PLXNA4: variants seen among roughly 807,000 people sequenced by gnomAD.
PLXNA4 encodes the protein plexin-A4.
PLXNA4 carries 44 observed loss-of-function variants against 191.8 expected under a neutral mutation model. The ratio of observed to expected loss-of-function variants is 0.23; its 90% CI spans 0.18 to 0.29. The LOEUF (loss-of-function observed/expected upper bound fraction) is 0.29, where lower values mean the gene tolerates loss of function less well. Among genes scored for constraint, PLXNA4 ranks in the 10% least tolerant of loss-of-function variants. PLXNA4 has a pLI of 1.00. For synonymous variants in PLXNA4, 1,082 were observed against 1,009.5 expected (o/e 1.07, Z -1.36); for missense variants, 1,800 against 2,488.8 (o/e 0.72, Z 5.89).
chr7:132,211,872 C>A (rs1442031879), intron 9 of PLXNA4, among the ~76,000 whole-genome samples: 1 of 152,120 alleles, frequency 6.6e-6, no homozygotes, highest in Non-Finnish European at 1.5e-5. Flanking sequence ...ATCACTGGGC[C>A]CCTTTTTCCT....
intron 29 of PLXNA4, among the ~76,000 whole-genome samples, chr7:132,143,360 C>T (rs779315541): frequency 1.6e-4 from 24 of 152,166 alleles, no homozygotes; most frequent in Non-Finnish European, 2.2e-4. Flanking sequence ...GATTTGGCTC[C>T]ACTCCAAGGA....
chr7:132,315,991 A>G (rs1380881970), intron 3 of PLXNA4, among the ~76,000 whole-genome samples: 15 of 152,232 alleles, frequency 9.9e-5, no homozygotes, highest in Non-Finnish European at 1.5e-5. Context: ...TTTAACCTGT[A>G]CACAGAGGGG....
intron 2 of PLXNA4, among the ~76,000 whole-genome samples, chr7:132,639,416 T>C (rs1803672154): frequency 6.6e-6 from 1 of 152,158 alleles, no homozygotes; most frequent in Non-Finnish European, 1.5e-5. Context: ...ATCATGACCA[T>C]GTATACACTG....
chr7:132,333,965 G>A (rs1189512897), intron 3 of PLXNA4, among the ~76,000 whole-genome samples: 3 of 152,108 alleles, frequency 2.0e-5, no homozygotes, highest in Non-Finnish European at 4.4e-5. Context: ...ATGTTTATAA[G>A]GTCCTTTGAA....
At chr7:132,407,079 C>T (rs1794251171) in intron 3 of PLXNA4, among the ~76,000 whole-genome samples, 2 of 152,346 alleles carry the variant, frequency 1.3e-5, no homozygotes, top group East Asian at 3.9e-4. Context: ...AATAGCTACA[C>T]TGATGGCCCT....
chr7:132,210,746 C>G (rs897509909), intron 10 of PLXNA4, among the ~76,000 whole-genome samples, 197 bp downstream of exon 10: 31 of 152,234 alleles, frequency 2.0e-4, no homozygotes, highest in African/African-American at 7.0e-4. Flanking sequence ...CCCTGGGTGA[C>G]CTCAGAACCC....
chr7:132,516,457 G>A (rs1160016977), intron 1 of PLXNA4, among the ~76,000 whole-genome samples: 2 of 152,108 alleles, frequency 1.3e-5, no homozygotes, highest in African/African-American at 4.8e-5. Context: ...AAATCAGTAT[G>A]GACCTGGTTG....
intron 2 of PLXNA4, among the ~76,000 whole-genome samples, chr7:132,620,851 T>C (rs1803246099): frequency 6.6e-6 from 1 of 152,178 alleles, no homozygotes; most frequent in African/African-American, 2.4e-5. Flanking sequence ...GCTTAAACAA[T>C]AGACATTTAT....
chr7:132,384,671 A>G lies in PLXNA4; in HGVS notation c.1372-86449T>C, dbSNP rs529883177. On this transcript the variant is annotated intron_variant, in intron 3 of 31. Coordinates refer to ENST00000321063, the MANE Select transcript of PLXNA4 (RefSeq NM_020911.2). ...TGGTTCTGAGCACTGAGTTAATTAC[A>G]TGATGCTGCAGTACGGTGGGCTCCA... The G allele has an allele frequency of 3.0e-5, 30 of 995,998 alleles. 1 individual carries two copies. In the South Asian group the frequency reaches 1.2e-3, roughly 41 times the overall value. 61.7% of individuals were successfully genotyped at this position (995,998 alleles called of 1,614,324 possible). A position where few individuals can be genotyped will look rare whatever the true frequency, so the allele number is the denominator to read the frequency against.
At chr7:132,494,718 G>A (rs746147895) in intron 2 of PLXNA4, among the ~76,000 whole-genome samples, 22 of 152,206 alleles carry the variant, frequency 1.4e-4, no homozygotes, top group South Asian at 4.1e-4. Flanking sequence ...ACAAATGACA[G>A]AGCAGTTACG....
chr7:132,587,421 T>C lies in PLXNA4; in HGVS notation c.-87+58507A>G, dbSNP rs563140286. 6.8e-4 allele frequency among the ~76,000 whole-genome samples: 103 copies of C among 152,318 alleles called. 2 individuals are homozygous for C. The highest frequency in any genetic ancestry group is 1.1e-3 in the Non-Finnish European group (77 of 68,024). ...TTCTCTAAAGAAAAAATAAATTGTC[T>C]TGAGTGGTAGTGAGTTCTCCATCAC... On this transcript the variant is annotated intron_variant, in intron 2 of 4. Coordinates refer to the PLXNA4 transcript ENST00000378539.
chr7:132,560,178 T>G (rs1299012322), intron 1 of PLXNA4, among the ~76,000 whole-genome samples: 2 of 152,142 alleles, frequency 1.3e-5, no homozygotes, highest in Non-Finnish European at 2.9e-5. Context: ...GGAGTTCATT[T>G]CCCTAGACCA....
At chr7:132,394,930 G>T (rs1357890956) in intron 3 of PLXNA4, among the ~76,000 whole-genome samples, 1 of 152,232 alleles carries the variant, frequency 6.6e-6, no homozygotes, top group Non-Finnish European at 1.5e-5. Context: ...TGAGCCGTGG[G>T]ACCAGCCCTG....
At chr7:132,184,969 T>A (rs1356673279) in intron 16 of PLXNA4, among the ~76,000 whole-genome samples, 1 of 152,158 alleles carries the variant, frequency 6.6e-6, no homozygotes, top group Non-Finnish European at 1.5e-5. Flanking sequence ...AGCACCTATG[T>A]CTACCAGAAG....
chr7:132,431,061 A>G (rs277481), intron 3 of PLXNA4, among the ~76,000 whole-genome samples: 37,477 of 152,066 alleles, frequency 0.25, 9,820 homozygotes, highest in African/African-American at 0.65. Context: ...AGTCCTTTCT[A>G]GAACCCAGTT....
intron 3 of PLXNA4, among the ~76,000 whole-genome samples, chr7:132,453,139 C>G (rs1368638037): frequency 6.6e-6 from 1 of 152,176 alleles, no homozygotes; most frequent in Non-Finnish European, 1.5e-5. Context: ...GCCAAAAAAA[C>G]AGTTGCCCAT....
At chr7:132,597,757 C>T (rs1464687236) in intron 2 of PLXNA4, among the ~76,000 whole-genome samples, 1 of 152,080 alleles carries the variant, frequency 6.6e-6, no homozygotes, top group Non-Finnish European at 1.5e-5. Flanking sequence ...TTTTAATTTA[C>T]ATACATATAT....
At chr7:132,583,686 TC>T (rs1447127826) in intron 2 of PLXNA4, among the ~76,000 whole-genome samples, 2 of 152,230 alleles carry the variant, frequency 1.3e-5, no homozygotes, top group Non-Finnish European at 2.9e-5. Context: ...AGTGTCTGCC[TC>T]CAGGACTCTG....
Position 132,132,927 on chromosome 7 carries a change from G to C in PLXNA4, c.5589+122C>G, listed in dbSNP as rs180766914. On this transcript the variant is annotated intron_variant, in intron 31 of 31. Coordinates refer to ENST00000321063, the MANE Select transcript of PLXNA4 (RefSeq NM_020911.2). ...GGATCACAGCCCCAGGTCCTCAGTG[G>C]TGGTTCCCCCAGCAGAGGTGGATGT... 4 of 1,414,726 alleles carry C rather than the reference G, an allele frequency of 2.8e-6. No individual in the cohort carries two copies. The Admixed American group carries it at 9.9e-5, about 35-fold the overall frequency. 87.6% of individuals were successfully genotyped at this position (1,414,726 alleles called of 1,614,324 possible). A position where few individuals can be genotyped will look rare whatever the true frequency, so the allele number is the denominator to read the frequency against.
Sources: gnomAD v4.1 joint callset for allele counts (sites outside exome capture counted in the v4.1 genomes callset) on GRCh38, gnomAD v4.1.1 for gene constraint, MANE v1.5 for transcripts, NCBI Gene and HGNC (gene_info 2026-07-23, HGNC 2026-07-21) for gene names.